Variants in HIBADH observed in about 807,000 individuals in gnomAD.
HIBADH encodes 3-hydroxyisobutyrate dehydrogenase, mitochondrial.
Under a neutral mutation model 36.1 loss-of-function variants are expected in HIBADH, and 25 were observed. That is an observed-to-expected ratio of 0.69 (90% CI 0.50 to 0.97). The LOEUF (loss-of-function observed/expected upper bound fraction) is 0.97, where lower values mean the gene tolerates loss of function less well. Ranked by LOEUF, HIBADH falls within the 50% of genes least tolerant of loss-of-function variation. The probability of loss-of-function intolerance (pLI) is 0.00; values close to 1 mark genes in which losing one functional copy is unlikely to be tolerated. For synonymous variants in HIBADH, 160 were observed against 149.5 expected (o/e 1.07, Z -0.51); for missense variants, 421 against 418.0 (o/e 1.01, Z -0.06).
chr7:27,662,793 C>T lies in HIBADH; in HGVS notation c.-5G>A. The T allele has an allele frequency of 6.8e-7, 1 of 1,464,994 alleles. No individual in the cohort carries two copies. 90.7% of individuals were successfully genotyped at this position (1,464,994 alleles called of 1,614,324 possible). A position where few individuals can be genotyped will look rare whatever the true frequency, so the allele number is the denominator to read the frequency against. ...GAGCCGTAAGGAGGCTGCCATGCTG[C>T]GCCCGCCCCTCTCCCCGCGGTGACC... is the stretch of plus-strand genomic sequence containing the variant. On this transcript the variant is annotated 5_prime_UTR_variant, in exon 1 of 8. Coordinates refer to ENST00000265395, the MANE Select transcript of HIBADH (RefSeq NM_152740.4).
At chr7:27,563,261 A>G (rs1158255575) in intron 4 of HIBADH, among the ~76,000 whole-genome samples, 2 of 152,216 alleles carry the variant, frequency 1.3e-5, no homozygotes, top group Admixed American at 1.3e-4. Context: ...TTGCTGAGTA[A>G]TATTCCCTGT....
chr7:27,595,946 ACTT>A (rs968687085), intron 4 of HIBADH, among the ~76,000 whole-genome samples: 9 of 152,304 alleles, frequency 5.9e-5, no homozygotes, highest in African/African-American at 9.6e-5. Context: ...ACTATTTTTT[ACTT>A]CTTATTAGAC....
chr7:27,538,426 AAATT>A lies in HIBADH; in HGVS notation c.619-13_619-10del, dbSNP rs556170247. On this transcript the variant is annotated splice_polypyrimidine_tract_variant and intron_variant, in intron 5 of 7. Transcript: ENST00000265395. The stretch of plus-strand genomic sequence containing the variant: ...TTGCAGATCTTTGCCGCCTGAAAAT[AAATT>A]GAGTACATATTAAATATCTGTATTT... 1.8e-3 allele frequency: 2,886 copies of A among 1,609,802 alleles called. 7 individuals are homozygous for A. Among genetic ancestry groups the A allele is most frequent in the Non-Finnish European group, 2.0e-3 (2,383 of 1,176,678 alleles).
intron 4 of HIBADH, among the ~76,000 whole-genome samples, chr7:27,550,047 A>AT (rs1784297127): frequency 6.6e-6 from 1 of 152,080 alleles, no homozygotes; most frequent in South Asian, 2.1e-4. Flanking sequence ...AGCTGGGACT[A>AT]TGGGCGCGTG....
intron 4 of HIBADH, among the ~76,000 whole-genome samples, chr7:27,555,494 A>G (rs1218036925): frequency 6.6e-6 from 1 of 150,508 alleles, no homozygotes; most frequent in Non-Finnish European, 1.5e-5. Flanking sequence ...AATTTCAACT[A>G]TCTATCAGCT....
intron 3 of HIBADH, among the ~76,000 whole-genome samples, chr7:27,630,844 G>A (rs376753776): frequency 1.6e-4 from 24 of 152,230 alleles, no homozygotes; most frequent in African/African-American, 5.8e-4. Context: ...TCACAGAAGA[G>A]AAATAGCATA....
chr7:27,660,675 A>AT (rs71555708), intron 1 of HIBADH, among the ~76,000 whole-genome samples: 61 of 151,512 alleles, frequency 4.0e-4, no homozygotes, highest in East Asian at 3.5e-3. Flanking sequence ...AAAAAAAAAA[A>AT]TTTTTTTCAA....
intron 2 of HIBADH, among the ~76,000 whole-genome samples, chr7:27,639,593 T>TA (rs1256157676): frequency 6.6e-6 from 1 of 152,062 alleles, no homozygotes; most frequent in African/African-American, 2.4e-5. Context: ...ACCTAAAAGT[T>TA]AAAAAACATC....
At chr7:27,603,075 C>A (rs567036513) in intron 4 of HIBADH, among the ~76,000 whole-genome samples, 3 of 152,172 alleles carry the variant, frequency 2.0e-5, no homozygotes, top group African/African-American at 4.8e-5. Context: ...TTGCTCATGC[C>A]CCCTCACCCC....
At chr7:27,530,661 G>T (rs1419381217) in intron 7 of HIBADH, among the ~76,000 whole-genome samples, 2 of 152,102 alleles carry the variant, frequency 1.3e-5, no homozygotes, top group African/African-American at 4.8e-5. Context: ...CTAAAGTTGA[G>T]ATCTCAAATA....
At chr7:27,577,582 T>A (rs1030869940) in intron 4 of HIBADH, among the ~76,000 whole-genome samples, 1 of 152,230 alleles carries the variant, frequency 6.6e-6, no homozygotes, top group African/African-American at 2.4e-5. Context: ...TTGTTTTTAT[T>A]ACTTGCAACC....
At chr7:27,528,968 A>G (rs1783954026) in intron 7 of HIBADH, among the ~76,000 whole-genome samples, 1 of 152,208 alleles carries the variant, frequency 6.6e-6, no homozygotes, top group Non-Finnish European at 1.5e-5. Context: ...ACCATTCCAA[A>G]AATCCTAGGG....
intron 4 of HIBADH, among the ~76,000 whole-genome samples, chr7:27,572,986 G>C (rs1784650739): frequency 2.6e-5 from 4 of 152,084 alleles, no homozygotes; most frequent in Non-Finnish European, 2.9e-5. Context: ...TCACTAAAAA[G>C]ATCAGATCAA....
intron 4 of HIBADH, among the ~76,000 whole-genome samples, chr7:27,620,831 C>A (rs6462038): frequency 0.72 from 108,857 of 151,944 alleles, 39,114 homozygotes; most frequent in East Asian, 0.94. Flanking sequence ...ATATATAACA[C>A]CATCAGAAAA....
intron 4 of HIBADH, among the ~76,000 whole-genome samples, chr7:27,597,459 AC>A (rs1447760358): frequency 9.7e-5 from 14 of 144,100 alleles, no homozygotes; most frequent in African/African-American, 2.1e-4. Flanking sequence ...AAAAAAAAAA[AC>A]AATCATGATG....
At chr7:27,648,083 C>T (rs951698519) in intron 2 of HIBADH, among the ~76,000 whole-genome samples, 3 of 152,108 alleles carry the variant, frequency 2.0e-5, no homozygotes, top group Admixed American at 2.0e-4. Flanking sequence ...TGTGTTATCC[C>T]AAAAAGTAAT....
chr7:27,554,858 C>A (rs969131158), intron 4 of HIBADH, among the ~76,000 whole-genome samples: 21 of 152,264 alleles, frequency 1.4e-4, no homozygotes, highest in African/African-American at 4.6e-4. Flanking sequence ...AATGTGGACT[C>A]TCATATTTTG....
intron 4 of HIBADH, among the ~76,000 whole-genome samples, chr7:27,575,078 C>A (rs542222598): frequency 2.2e-4 from 33 of 152,252 alleles, no homozygotes; most frequent in African/African-American, 7.7e-4. Context: ...ATATTACAAA[C>A]CTTAGCATTA....
chr7:27,553,707 T>G (rs1784352491), intron 4 of HIBADH, among the ~76,000 whole-genome samples: 1 of 152,204 alleles, frequency 6.6e-6, no homozygotes, highest in Non-Finnish European at 1.5e-5. Context: ...TGGTGCACAA[T>G]GTCGGTTTAC....
Sources: allele counts gnomAD v4.1 joint callset (sites outside exome capture counted in the v4.1 genomes callset), GRCh38; gene constraint gnomAD v4.1.1; transcripts MANE v1.5; gene names NCBI Gene and HGNC (gene_info 2026-07-23, HGNC 2026-07-21).